A3GALT2: variants seen among roughly 807,000 people sequenced by gnomAD.
A3GALT2 encodes the protein alpha 1,3-galactosyltransferase 2, also known as alpha-1,3-galactosyltransferase 2.
In A3GALT2, 14 loss-of-function variants were observed where a neutral mutation model predicts 16.6. The ratio of observed to expected loss-of-function variants is 0.84; its 90% CI spans 0.56 to 1.32. A3GALT2 has a LOEUF of 1.32. Among genes scored for constraint, A3GALT2 ranks in the 40% most tolerant of loss-of-function variants. A3GALT2 has a pLI of 0.00. For missense variants in A3GALT2, 600 were observed against 490.9 expected (o/e 1.22, Z -2.10); for synonymous variants, 253 against 218.0 (o/e 1.16, Z -1.42).
chr1:33,307,327 C>T lies in A3GALT2; in HGVS notation c.462G>A (p.Pro154=), dbSNP rs750621057. The T allele has an allele frequency of 9.9e-6, 15 of 1,517,100 alleles. No homozygotes were observed. The highest frequency in any genetic ancestry group is 1.5e-5 in the African/African-American group (1 of 68,728). 94.0% of individuals were successfully genotyped at this position (1,517,100 alleles called of 1,614,324 possible). Residue 154 remains proline (P), a synonymous_variant, in exon 5 of 5, where the codon CCG becomes CCA. Coordinates refer to ENST00000442999, the MANE Select transcript of A3GALT2 (RefSeq NM_001080438.1). ...CGCGCTCCACGGGCAGCCGGCGTCC[C>T]GGGCCCAGCGCCACGCGGGGCACCG... is the stretch of plus-strand genomic sequence containing the variant. ...PGAVPRVALG[P]GRRLPVERVA...
In A3GALT2 at chr1:33,307,144, C is replaced by A; in HGVS notation, c.645G>T (p.Glu215Asp). 1 of 1,551,108 alleles carries A rather than the reference C, an allele frequency of 6.4e-7. No homozygotes were observed. The highest frequency in any genetic ancestry group is 8.7e-7 in the Non-Finnish European group (1 of 1,151,618). The change falls in exon 5 of 5, where the codon GAG becomes GAT. Residue 215 changes from glutamate to aspartate, a missense_variant. Glu to Asp is a conservative substitution (Grantham distance 45). Coordinates refer to ENST00000442999, the MANE Select transcript of A3GALT2 (RefSeq NM_001080438.1). Reference protein sequence around the residue: ...SGTFGPEALAESVAQLHSWHY... With the variant: ...SGTFGPEALADSVAQLHSWHY... Reference sequence around the variant, plus strand: ...GCCAGGAGTGCAGCTGCGCCACCGACTCGGCCAGCGCCTCGGGCCCAAAAG... The same window carrying A: ...GCCAGGAGTGCAGCTGCGCCACCGAATCGGCCAGCGCCTCGGGCCCAAAAG...
chr1:33,306,922 G>A lies in A3GALT2; in HGVS notation c.867C>T (p.His289=), dbSNP rs763333281. 7 of 1,518,750 alleles carry A rather than the reference G, an allele frequency of 4.6e-6. No homozygotes were observed. Among genetic ancestry groups the A allele is most frequent in the East Asian group, 5.4e-5 (2 of 37,036 alleles). 94.1% of individuals were successfully genotyped at this position (1,518,750 alleles called of 1,614,324 possible). The change falls in exon 5 of 5, where the codon CAC becomes CAT. Residue 289 remains histidine, a synonymous_variant. Coordinates refer to ENST00000442999, the MANE Select transcript of A3GALT2 (RefSeq NM_001080438.1). Reference sequence around the variant, plus strand: ...AGAACTTGTTGAGGTGGCTCTCGTCGTGCCAGCGCGCCTCCAGGCCGCGCG... The same window carrying A: ...AGAACTTGTTGAGGTGGCTCTCGTCATGCCAGCGCGCCTCCAGGCCGCGCG... ...DRARGLEARW[H]DESHLNKFFW...
rs1284940174 is a variant in A3GALT2 at position 33,307,380 on chromosome 1, A to G, written c.409T>C (p.Tyr137His). ...QHFMAGQSVM[Y>H]YVFTELPGAV... ...CCCGGAAGCTCGGTGAACACGTAGTACATCACGCTCTGGCCCGCCATGAAG... is the reference window on the plus strand; with the variant it reads ...CCCGGAAGCTCGGTGAACACGTAGTGCATCACGCTCTGGCCCGCCATGAAG... The change falls in exon 5 of 5, where the codon TAC becomes CAC. Residue 137 changes from tyrosine (Y) to histidine (H), a missense_variant. Transcript: ENST00000442999. 6.4e-7 allele frequency: 1 copy of G among 1,564,290 alleles called. No homozygotes were observed. The highest frequency in any genetic ancestry group is 8.6e-7 in the Non-Finnish European group (1 of 1,161,952).
At chr1:33,317,683 T>C (rs1164363251) in intron 1 of A3GALT2, among the ~76,000 whole-genome samples, 1 of 152,246 alleles carries the variant, frequency 6.6e-6, no homozygotes, top group East Asian at 1.9e-4. Context: ...ACCCCAGGGT[T>C]CATCAGTAGG....
chr1:33,307,455 T>A lies in A3GALT2; in HGVS notation c.336-2A>T. ...CGCTCCAGGTACTTCTCCAGGTATC[T>A]AAGGGCGCGGCGCCACCGTCAGCCT... On this transcript the variant is annotated splice_acceptor_variant, in intron 4 of 4. Transcript: ENST00000442999. LOFTEE classifies it high-confidence loss of function. 6.7e-7 allele frequency: 1 copy of A among 1,494,530 alleles called. No homozygotes were observed. The highest frequency in any genetic ancestry group is 1.3e-5 in the South Asian group (1 of 79,306). 92.6% of individuals were successfully genotyped at this position (1,494,530 alleles called of 1,614,324 possible). A position where few individuals can be genotyped will look rare whatever the true frequency, so the allele number is the denominator to read the frequency against.
intron 2 of A3GALT2, 63 bp from the exon 3 acceptor site, chr1:33,312,653 C>A: frequency 6.7e-7 from 1 of 1,487,348 alleles, no homozygotes; most frequent in South Asian, 1.2e-5. Flanking sequence ...TGGCCAGGAG[C>A]CCTCTGGCTT....
rs1646196980 is a variant in A3GALT2, at chr1:33,307,012, C to G, written c.777G>C (p.Gly259=). ...GDFYNHAAVF[G]GSVAALRGLT... ...GCCCGCGCAGCGCCGCCACGCTGCC[C>G]CCGAACACCGCCGCGTGGTTATAGA... Residue 259 remains glycine, a synonymous_variant, in exon 5 of 5, where the codon GGG becomes GGC. Coordinates refer to ENST00000442999, the MANE Select transcript of A3GALT2 (RefSeq NM_001080438.1). The G allele has an allele frequency of 2.7e-6, 4 of 1,468,980 alleles. No homozygotes were observed. Among genetic ancestry groups the G allele is most frequent in the Non-Finnish European group, 3.6e-6 (4 of 1,115,642 alleles). 91.0% of individuals were successfully genotyped at this position (1,468,980 alleles called of 1,614,324 possible). A position where few individuals can be genotyped will look rare whatever the true frequency, so the allele number is the denominator to read the frequency against.
At chr1:33,308,508 C>T (rs1214818997) in intron 4 of A3GALT2, among the ~76,000 whole-genome samples, 8 of 152,184 alleles carry the variant, frequency 5.3e-5, no homozygotes, top group East Asian at 1.9e-4. Context: ...CGGCTTCAAG[C>T]GATTCTCCTG....
intron 1 of A3GALT2, among the ~76,000 whole-genome samples, chr1:33,318,893 G>A (rs560523597): frequency 1.3e-5 from 2 of 152,180 alleles, no homozygotes; most frequent in African/African-American, 4.8e-5. Context: ...ATAATTATTT[G>A]TTCAGCAAAT....
Position 33,320,245 on chromosome 1 carries a change from T to A in A3GALT2, c.23+831A>T, listed in dbSNP as rs919940366. ...CAAGGCTGCCTCGGGAGGTGCACTG[T>A]GGGAGGTGTGCGAGGTACTGCGTAA... On this transcript the variant is annotated intron_variant, in intron 1 of 4. Transcript: ENST00000442999. The surrounding 1 kb of genome is among the most constrained non-coding windows in gnomAD (Gnocchi z 4.3). 6.6e-6 allele frequency among the ~76,000 whole-genome samples: 1 copy of A among 151,972 alleles called. No individual in the cohort carries two copies. The highest frequency in any genetic ancestry group is 2.4e-5 in the African/African-American group (1 of 41,438).
At chr1:33,308,760 T>G (rs1646217004) in intron 4 of A3GALT2, among the ~76,000 whole-genome samples, 1 of 110,308 alleles carries the variant, frequency 9.1e-6, no homozygotes, top group Non-Finnish European at 1.7e-5. Context: ...GTTTTTTTTT[T>G]TTTTTTTTTT....
rs775640740 is a variant in A3GALT2 at position 33,306,882 on chromosome 1, G to C, written c.907C>G (p.Pro303Ala). The C allele has an allele frequency of 4.7e-5, 72 of 1,521,294 alleles. No individual in the cohort carries two copies. The East Asian group carries it at 1.9e-3, about 40-fold the overall frequency. 94.2% of individuals were successfully genotyped at this position (1,521,294 alleles called of 1,614,324 possible). Residue 303 changes from proline to alanine, a missense_variant, in exon 5 of 5, where the codon CCC becomes GCC. Coordinates refer to ENST00000442999, the MANE Select transcript of A3GALT2 (RefSeq NM_001080438.1). Reference sequence around the variant, plus strand: ...AACTCGGGCGACAGCACCTTGGCGGGCTTGTGCAGCCAGAAGAACTTGTTG... The same window carrying C: ...AACTCGGGCGACAGCACCTTGGCGGCCTTGTGCAGCCAGAAGAACTTGTTG... ...HLNKFFWLHK[P>A]AKVLSPEFCW...
chr1:33,316,633 A>G (rs1646263558), intron 1 of A3GALT2, among the ~76,000 whole-genome samples: 1 of 151,586 alleles, frequency 6.6e-6, no homozygotes, highest in South Asian at 2.1e-4. Context: ...ATGGGGAGGA[A>G]TAGGTGGTGA....
intron 4 of A3GALT2, among the ~76,000 whole-genome samples, chr1:33,309,733 A>G (rs1286052508): frequency 3.4e-5 from 5 of 147,010 alleles, no homozygotes; most frequent in Non-Finnish European, 6.0e-5. Context: ...CGCTCCCCAC[A>G]TCTCAGACGA....
At chr1:33,314,315 G>A (rs933039388) in intron 1 of A3GALT2, 2 of 152,062 alleles carry the variant, frequency 1.3e-5, no homozygotes, top group Admixed American at 6.6e-5. Context: ...CACCCACCTC[G>A]GCCTCCCAAA....
chr1:33,308,920 C>T (rs1037415229), intron 4 of A3GALT2, among the ~76,000 whole-genome samples: 3 of 151,910 alleles, frequency 2.0e-5, no homozygotes, highest in African/African-American at 4.8e-5. Flanking sequence ...CTGCGGCCTT[C>T]TGCACTGTTT....
At chr1:33,316,297 G>A (rs192766841) in intron 1 of A3GALT2, among the ~76,000 whole-genome samples, 3 of 152,258 alleles carry the variant, frequency 2.0e-5, no homozygotes, top group African/African-American at 7.2e-5. Context: ...AGGCTGCAGA[G>A]GTGAGCCGGG....
At chr1:33,309,397 GC>G (rs1275772125) in intron 4 of A3GALT2, among the ~76,000 whole-genome samples, 4 of 148,270 alleles carry the variant, frequency 2.7e-5, no homozygotes, top group African/African-American at 1.0e-4. Flanking sequence ...GGCGGGGGCT[GC>G]CCCCCACCTC....
chr1:33,313,531 C>T (rs999709628), intron 1 of A3GALT2: 1 of 151,886 alleles, frequency 6.6e-6, no homozygotes, highest in Non-Finnish European at 1.5e-5. Context: ...AGGTGAACTC[C>T]TCCAAGCAGA....
Sources: gnomAD v4.1 joint callset for allele counts (sites outside exome capture counted in the v4.1 genomes callset) on GRCh38, gnomAD v4.1.1 for gene constraint, Gnocchi (gnomAD v3.1) non-coding constraint, MANE v1.5 for transcripts, NCBI Gene and HGNC (gene_info 2026-07-23, HGNC 2026-07-21) for gene names.